XKR3: variants seen among roughly 807,000 people sequenced by gnomAD.
XKR3 encodes the protein XK related 3, also known as XK-related protein 3.
Under a neutral mutation model 40.3 loss-of-function variants are expected in XKR3, and 27 were observed. That is an observed-to-expected ratio of 0.67 (90% CI 0.49 to 0.92). The LOEUF is 0.92. Ranked by LOEUF, XKR3 falls within the 40% of genes least tolerant of loss-of-function variation. XKR3 has a pLI of 0.00. For missense variants in XKR3, 472 were observed against 537.6 expected, an observed-to-expected ratio of 0.88 and a Z score of 1.21; for synonymous variants, 193 against 195.4, an observed-to-expected ratio of 0.99 and a Z score of 0.10.
intron 3 of XKR3, among the ~76,000 whole-genome samples, chr22:16,787,271 A>T (rs1160902151): frequency 1.6e-4 from 24 of 152,120 alleles, no homozygotes; most frequent in Non-Finnish European, 3.2e-4. Flanking sequence ...CTGGTGTTCA[A>T]GGAAAAGCTG....
At chr22:16,818,551 G>A (rs555391504) in intron 1 of XKR3, among the ~76,000 whole-genome samples, 12 of 151,990 alleles carry the variant, frequency 7.9e-5, no homozygotes, top group South Asian at 4.2e-4. Flanking sequence ...ACACAAAACC[G>A]TTCTATGGAG....
In XKR3 at chr22:16,807,852, A is replaced by G; in HGVS notation, c.222T>C (p.Ile74=). The change falls in exon 2 of 4, where the codon ATT becomes ATC. Residue 74 remains isoleucine, a synonymous_variant. Transcript: ENST00000684488. ...TFWMSFTISF[I]IVGAILDQII... ...TTTGATCCAAAATTGCCCCCACAAT[A>G]ATAAAGCTGATGGTAAATGACATCC... 1 of 1,614,028 alleles carries G rather than the reference A, an allele frequency of 6.2e-7. No individual in the cohort carries two copies. Among genetic ancestry groups the G allele is most frequent in the South Asian group, 1.1e-5 (1 of 91,072 alleles).
chr22:16,818,340 GT>G (rs2060242162), intron 1 of XKR3, among the ~76,000 whole-genome samples: 1 of 151,524 alleles, frequency 6.6e-6, no homozygotes, highest in African/African-American at 2.4e-5. Flanking sequence ...GAAAGGTCTT[GT>G]CTAGGGATTT....
chr22:16,786,634 G>A (rs1371585090), intron 3 of XKR3, among the ~76,000 whole-genome samples: 1 of 152,162 alleles, frequency 6.6e-6, no homozygotes, highest in African/African-American at 2.4e-5. Flanking sequence ...GTCAGCTTTG[G>A]TGGTCAAATT....
chr22:16,792,445 T>TA (rs1481671082), intron 3 of XKR3, among the ~76,000 whole-genome samples: 7 of 152,210 alleles, frequency 4.6e-5, no homozygotes, highest in Non-Finnish European at 8.8e-5. Flanking sequence ...AACTTATTTG[T>TA]AAAAAAATTT....
chr22:16,799,663 T>A (rs996083932), intron 3 of XKR3, 108 bp downstream of exon 3: 11 of 1,295,374 alleles, frequency 8.5e-6, no homozygotes, highest in Admixed American at 2.5e-5. Flanking sequence ...ATAAAAAATT[T>A]AGTGCAACTG....
intron 1 of XKR3, among the ~76,000 whole-genome samples, chr22:16,816,237 G>C (rs751728038): frequency 4.4e-4 from 66 of 151,482 alleles, no homozygotes; most frequent in African/African-American, 1.5e-3. Flanking sequence ...TGCCTTTGCC[G>C]CCTCTCTTTC....
At chr22:16,809,244 A>C (rs2060203061) in intron 1 of XKR3, among the ~76,000 whole-genome samples, 1 of 152,178 alleles carries the variant, frequency 6.6e-6, no homozygotes, top group Non-Finnish European at 1.5e-5. Flanking sequence ...CTTTATCTAT[A>C]TGCACTTATT....
chr22:16,821,441 G>A (rs1441589775), intron 1 of XKR3, among the ~76,000 whole-genome samples: 1 of 152,052 alleles, frequency 6.6e-6, no homozygotes, highest in Non-Finnish European at 1.5e-5. Context: ...TGTGTTTCAA[G>A]TACCTGGAAA....
chr22:16,799,599 A>T (rs771359524), intron 3 of XKR3, among the ~76,000 whole-genome samples, 172 bp downstream of exon 3: 25 of 151,992 alleles, frequency 1.6e-4, no homozygotes, highest in Non-Finnish European at 3.7e-4. Context: ...TATGGATTCC[A>T]GCAGCATCTT....
intron 3 of XKR3, among the ~76,000 whole-genome samples, chr22:16,790,967 A>G (rs1412825837): frequency 2.0e-5 from 3 of 152,036 alleles, no homozygotes; most frequent in African/African-American, 7.2e-5. Context: ...CACTAAACCC[A>G]TTTTACTCCA....
intron 1 of XKR3, among the ~76,000 whole-genome samples, chr22:16,817,499 C>T (rs1303423741): frequency 1.3e-5 from 2 of 152,086 alleles, no homozygotes; most frequent in Non-Finnish European, 2.9e-5. Flanking sequence ...GTGTTAGATC[C>T]TAGTATCTGT....
chr22:16,802,194 C>A (rs1467464814), intron 2 of XKR3, among the ~76,000 whole-genome samples: 1 of 152,030 alleles, frequency 6.6e-6, no homozygotes, highest in Non-Finnish European at 1.5e-5. Flanking sequence ...ATCACTATAC[C>A]CTTTAGATAC....
At chr22:16,796,187 C>T (rs2060139736) in intron 3 of XKR3, among the ~76,000 whole-genome samples, 1 of 151,956 alleles carries the variant, frequency 6.6e-6, no homozygotes, top group East Asian at 1.9e-4. Flanking sequence ...AATATCTATG[C>T]CTTAAATTGT....
intron 3 of XKR3, among the ~76,000 whole-genome samples, chr22:16,793,237 C>A (rs2060127780): frequency 6.6e-6 from 1 of 152,210 alleles, no homozygotes; most frequent in East Asian, 1.9e-4. Context: ...GTCTCTAACT[C>A]CTGACCTCAG....
intron 1 of XKR3, among the ~76,000 whole-genome samples, chr22:16,812,761 CAGA>C (rs2060217775): frequency 6.6e-6 from 1 of 152,142 alleles, no homozygotes; most frequent in Non-Finnish European, 1.5e-5. Context: ...TACTTACATA[CAGA>C]AGATTTTCAT....
intron 3 of XKR3, among the ~76,000 whole-genome samples, chr22:16,785,557 G>A (rs2060086746): frequency 6.6e-6 from 1 of 151,842 alleles, no homozygotes; most frequent in Non-Finnish European, 1.5e-5. Flanking sequence ...ACATATACAT[G>A]CAGGTTAAAA....
In XKR3 at chr22:16,785,328, C is replaced by CA. The variant is rs369853912; in HGVS notation, c.590-920dup. On this transcript the variant is annotated intron_variant, in intron 3 of 3. Transcript: ENST00000684488. Reference sequence around the variant, plus strand: ...CGAGACTCCATCTCAAAAAAACAAACAAAAAAAAAGAAGTGTGTGTGTGCA... The same window carrying CA: ...CGAGACTCCATCTCAAAAAAACAAACAAAAAAAAAAGAAGTGTGTGTGTGCA... Among the ~76,000 whole-genome samples the CA allele has an allele frequency of 2.9e-3, 433 of 150,078 alleles. 6 individuals carry two copies. The highest frequency in any genetic ancestry group is 0.014 in the Middle Eastern group (4 of 290).
chr22:16,815,358 C>T (rs2060228793), intron 1 of XKR3, among the ~76,000 whole-genome samples: 1 of 151,878 alleles, frequency 6.6e-6, no homozygotes, highest in Non-Finnish European at 1.5e-5. Context: ...GCTAGTATTT[C>T]CTTGGGAATT....
Sources: gnomAD v4.1 joint callset for allele counts (sites outside exome capture counted in the v4.1 genomes callset) on GRCh38, gnomAD v4.1.1 for gene constraint, MANE v1.5 for transcripts, NCBI Gene and HGNC (gene_info 2026-07-23, HGNC 2026-07-21) for gene names.